Variants in WWOX observed in about 807,000 individuals in gnomAD.
The protein encoded by WWOX is WW domain containing oxidoreductase.
In WWOX, 69 loss-of-function variants were observed where a neutral mutation model predicts 46.2. The observed-to-expected ratio is 1.49, with a 90% CI of 1.23 to 1.82. The LOEUF (loss-of-function observed/expected upper bound fraction) is 1.82. WWOX is among the 40% of genes most tolerant of loss of function. The probability of loss-of-function intolerance (pLI) is 0.00; values close to 1 mark genes in which losing one functional copy is unlikely to be tolerated. For missense variants in WWOX, 919 were observed against 542.6 expected, an observed-to-expected ratio of 1.69 and a Z score of -6.89; for synonymous variants, 359 against 202.6, an observed-to-expected ratio of 1.77 and a Z score of -6.56.
intron 8 of WWOX, among the ~76,000 whole-genome samples, chr16:78,611,986 G>T (rs1217813321): frequency 6.6e-6 from 1 of 152,184 alleles, no homozygotes; most frequent in African/African-American, 2.4e-5. Flanking sequence ...CCCACAGATG[G>T]GGTCAAGAAG....
At chr16:78,246,111 A>G (rs1035054333) in intron 5 of WWOX, among the ~76,000 whole-genome samples, 4 of 152,064 alleles carry the variant, frequency 2.6e-5, no homozygotes, top group African/African-American at 9.7e-5. Flanking sequence ...TTTCTTTATC[A>G]TGGCTCATTT....
intron 8 of WWOX, among the ~76,000 whole-genome samples, chr16:78,728,435 T>G (rs2048888213): frequency 6.6e-6 from 1 of 152,196 alleles, no homozygotes; most frequent in Non-Finnish European, 1.5e-5. Context: ...GGCGTTGTGC[T>G]ACATTTCTTC....
At chr16:78,777,964 G>C (rs993319812) in intron 8 of WWOX, among the ~76,000 whole-genome samples, 1 of 144,792 alleles carries the variant, frequency 6.9e-6, no homozygotes, top group African/African-American at 2.6e-5. Context: ...AGAATCGCTT[G>C]AACCCAGGAG....
chr16:78,559,209 C>A (rs766506605), intron 8 of WWOX, among the ~76,000 whole-genome samples: 1 of 152,120 alleles, frequency 6.6e-6, no homozygotes, highest in Non-Finnish European at 1.5e-5. Flanking sequence ...GCACTGGGAG[C>A]GTTTATGAAT....
intron 5 of WWOX, among the ~76,000 whole-genome samples, chr16:78,299,871 C>A (rs1430048204): frequency 6.6e-6 from 1 of 152,044 alleles, no homozygotes; most frequent in African/African-American, 2.4e-5. Context: ...AAGTTGAGAT[C>A]TAAGAATTTG....
chr16:78,107,883 G>A (rs1323049936), intron 1 of WWOX, among the ~76,000 whole-genome samples: 2 of 151,980 alleles, frequency 1.3e-5, no homozygotes, highest in African/African-American at 4.8e-5. Flanking sequence ...CTACATCGTG[G>A]AATAAAACCA....
chr16:78,801,842 T>C (rs74540817), intron 8 of WWOX, among the ~76,000 whole-genome samples: 1,596 of 152,326 alleles, frequency 0.01, 27 homozygotes, highest in African/African-American at 0.036. Context: ...TTAAACTGAA[T>C]GTTGATATTT....
intron 8 of WWOX, among the ~76,000 whole-genome samples, chr16:79,072,087 A>C (rs1429923614): frequency 6.6e-6 from 1 of 152,148 alleles, no homozygotes; most frequent in Non-Finnish European, 1.5e-5. Context: ...GTTTGAGACC[A>C]GCTTGGCCAA....
intron 5 of WWOX, among the ~76,000 whole-genome samples, chr16:78,359,458 CAT>C (rs1430171780): frequency 3.9e-5 from 6 of 152,184 alleles, no homozygotes; most frequent in East Asian, 1.9e-4. Context: ...ATTTAGAAAA[CAT>C]ATAAAGGATC....
At chr16:78,490,487 C>T (rs771673047) in intron 8 of WWOX, among the ~76,000 whole-genome samples, 29 of 152,120 alleles carry the variant, frequency 1.9e-4, no homozygotes, top group Admixed American at 5.2e-4. Flanking sequence ...AATCTATTTA[C>T]GGTTTTCACA....
At chr16:78,419,097 A>G (rs1190954602) in intron 6 of WWOX, among the ~76,000 whole-genome samples, 2 of 151,720 alleles carry the variant, frequency 1.3e-5, no homozygotes, top group Non-Finnish European at 2.9e-5. Context: ...TTCAGCCAGG[A>G]TAAAAGTAGG....
chr16:78,435,808 G>C (rs11646795), intron 8 of WWOX, among the ~76,000 whole-genome samples: 16,573 of 152,144 alleles, frequency 0.11, 1,118 homozygotes, highest in South Asian at 0.19. Flanking sequence ...AGCTTTCTGA[G>C]CCTGTCTCAT....
intron 8 of WWOX, among the ~76,000 whole-genome samples, chr16:78,965,294 C>T (rs2046343981): frequency 6.6e-6 from 1 of 152,266 alleles, no homozygotes; most frequent in Middle Eastern, 3.4e-3. Flanking sequence ...TTTGGCCAGA[C>T]ACGGTGGCTC....
chr16:78,291,499 G>T (rs2079856465), intron 5 of WWOX, among the ~76,000 whole-genome samples: 1 of 152,192 alleles, frequency 6.6e-6, no homozygotes, highest in Non-Finnish European at 1.5e-5. Context: ...CTGCCATTCA[G>T]CAATCCAGGC....
chr16:78,658,927 A>G (rs1387997890), intron 8 of WWOX, among the ~76,000 whole-genome samples: 1 of 149,322 alleles, frequency 6.7e-6, no homozygotes, highest in Non-Finnish European at 1.5e-5. Flanking sequence ...CCCCTTCTCT[A>G]TTAAAAATAC....
chr16:79,047,555 G>C (rs950300683), intron 8 of WWOX, among the ~76,000 whole-genome samples: 1 of 152,002 alleles, frequency 6.6e-6, no homozygotes, highest in Non-Finnish European at 1.5e-5. Flanking sequence ...ATGTGTATCA[G>C]TGTCCTGTGG....
In WWOX at chr16:78,347,253, CTGT is replaced by C. The variant is rs535200796; in HGVS notation, c.517-39601_517-39599del. 1.0e-3 allele frequency among the ~76,000 whole-genome samples: 117 copies of C among 114,842 alleles called. 23 individuals are homozygous for C. Among genetic ancestry groups the C allele is most frequent in the African/African-American group, 3.4e-3 (113 of 33,680 alleles). The allele number at this position is 114,842 out of a possible 152,430, so 75.3% of individuals were successfully genotyped here. A position where few individuals can be genotyped will look rare whatever the true frequency, so the allele number is the denominator to read the frequency against. On this transcript the variant is annotated intron_variant, in intron 5 of 8. Coordinates refer to ENST00000566780, the MANE Select transcript of WWOX (RefSeq NM_016373.4). ...TTAAATGTCAGTGTCCCCCACAATT[CTGT>C]TGTTGACCCTTTCTCCCTCTGGCCA... is the stretch of plus-strand genomic sequence containing the variant.
chr16:78,783,049 A>C (rs1339896677), intron 8 of WWOX, among the ~76,000 whole-genome samples: 6 of 152,246 alleles, frequency 3.9e-5, no homozygotes, highest in Non-Finnish European at 8.8e-5. Flanking sequence ...ATTATCACTT[A>C]AACTCAATAT....
intron 8 of WWOX, among the ~76,000 whole-genome samples, chr16:78,820,674 G>A (rs1597667902): frequency 6.6e-6 from 1 of 152,126 alleles, no homozygotes; most frequent in South Asian, 2.1e-4. Context: ...ACCATGCCAC[G>A]TGTATGTGTT....
Sources: gnomAD v4.1 joint callset for allele counts (sites outside exome capture counted in the v4.1 genomes callset) on GRCh38, gnomAD v4.1.1 for gene constraint, MANE v1.5 for transcripts, NCBI Gene and HGNC (gene_info 2026-07-23, HGNC 2026-07-21) for gene names.